Variants in LETM1 observed in about 807,000 individuals in gnomAD.
The protein encoded by LETM1 is mitochondrial proton/calcium exchanger protein.
In LETM1, 50 loss-of-function variants were observed where a neutral mutation model predicts 74.5. That is an observed-to-expected ratio of 0.67 (90% CI 0.53 to 0.85). LETM1 has a LOEUF of 0.85. LETM1 is among the 40% of genes least tolerant of loss of function. The probability of loss-of-function intolerance (pLI) is 0.00; values close to 1 mark genes in which losing one functional copy is unlikely to be tolerated. For missense variants in LETM1, 824 were observed against 967.8 expected, an observed-to-expected ratio of 0.85 and a Z score of 1.97; for synonymous variants, 446 against 407.1, an observed-to-expected ratio of 1.10 and a Z score of -1.15.
intron 11 of LETM1, among the ~76,000 whole-genome samples, chr4:1,817,684 C>A (rs190126240): frequency 2.0e-5 from 3 of 152,208 alleles, no homozygotes; most frequent in African/African-American, 7.2e-5. Flanking sequence ...CACTGCCTTG[C>A]AAGCAAAAGA....
In LETM1 at chr4:1,834,397, G is replaced by A. The variant is rs1712391167; in HGVS notation, c.876+448C>T. On this transcript the variant is annotated intron_variant, in intron 5 of 13. Transcript: ENST00000302787. This position sits in a 1 kb window ranked among gnomAD's most constrained non-coding sequence, Gnocchi z 5.0. Reference sequence around the variant, plus strand: ...ACCACATGACCGCAGGAAACCTCAAGGGCCGCTCCTCCTCTCCAGCCCCCA... The same window carrying A: ...ACCACATGACCGCAGGAAACCTCAAAGGCCGCTCCTCCTCTCCAGCCCCCA... The A allele has an allele frequency of 1.0e-6, 1 of 993,102 alleles. No individual in the cohort carries two copies. Among genetic ancestry groups the A allele is most frequent in the Non-Finnish European group, 1.2e-6 (1 of 835,216 alleles). The allele number at this position is 993,102 out of a possible 1,614,324, so 61.5% of individuals were successfully genotyped here. A position where few individuals can be genotyped will look rare whatever the true frequency, so the allele number is the denominator to read the frequency against.
chr4:1,821,521 T>A (rs572153571), intron 10 of LETM1, among the ~76,000 whole-genome samples: 1 of 152,058 alleles, frequency 6.6e-6, no homozygotes, highest in South Asian at 2.1e-4. Flanking sequence ...AAACCCCCTG[T>A]CTACTAAAAA....
At position 1,831,348 on chromosome 4, in the gene LETM1, T is replaced by C. The variant is rs114075388; in HGVS notation, c.1080+1396A>G. On this transcript the variant is annotated intron_variant, in intron 6 of 13. Coordinates refer to ENST00000302787, the MANE Select transcript of LETM1 (RefSeq NM_012318.3). Reference sequence around the variant, plus strand: ...TCTGCGGGACAGCGGTGCTGCTTGCTACCGCTGGGAACGGGTGGGTGGGAG... The same window carrying C: ...TCTGCGGGACAGCGGTGCTGCTTGCCACCGCTGGGAACGGGTGGGTGGGAG... 6.1e-3 allele frequency among the ~76,000 whole-genome samples: 925 copies of C among 152,354 alleles called. 4 individuals carry two copies. Among genetic ancestry groups the C allele is most frequent in the African/African-American group, 0.021 (876 of 41,584 alleles).
chr4:1,835,718 C>G (rs1712443312), intron 4 of LETM1, among the ~76,000 whole-genome samples: 1 of 152,166 alleles, frequency 6.6e-6, no homozygotes, highest in African/African-American at 2.4e-5. Context: ...TGACCCTGCC[C>G]TAGAAGGACC....
intron 4 of LETM1, among the ~76,000 whole-genome samples, chr4:1,835,988 T>A (rs183499210): frequency 2.0e-5 from 3 of 152,180 alleles, no homozygotes; most frequent in South Asian, 4.1e-4. Flanking sequence ...GACAAGAGGA[T>A]CACTTAAGTC....
At chr4:1,816,529 C>T (rs938055317) in intron 12 of LETM1, among the ~76,000 whole-genome samples, 198 bp downstream of exon 12, 1 of 152,120 alleles carries the variant, frequency 6.6e-6, no homozygotes, top group Admixed American at 6.5e-5. Flanking sequence ...CAGGAAGGGA[C>T]GAACTGCTCT....
chr4:1,840,067 A>G (rs1018718684), intron 3 of LETM1, among the ~76,000 whole-genome samples: 1 of 152,222 alleles, frequency 6.6e-6, no homozygotes, highest in Non-Finnish European at 1.5e-5. Context: ...TGTACCCACA[A>G]AAACAAAACA....
Position 1,830,654 on chromosome 4 carries a change from C to CT in LETM1, c.1080+2089dup, listed in dbSNP as rs150375922. On this transcript the variant is annotated intron_variant, in intron 6 of 13. Transcript: ENST00000302787. ...TGGCCTTAGTATCTTCTCGCAATAT[C>CT]TTTTAATATTATTAATAACATATTT... 9.0e-3 allele frequency among the ~76,000 whole-genome samples: 1,374 copies of CT among 152,252 alleles called. 12 individuals are homozygous for CT. Among genetic ancestry groups the CT allele is most frequent in the South Asian group, 0.017 (80 of 4,828 alleles).
At chr4:1,824,792 G>C (rs1711926029) in intron 7 of LETM1, among the ~76,000 whole-genome samples, 1 of 152,246 alleles carries the variant, frequency 6.6e-6, no homozygotes, top group Non-Finnish European at 1.5e-5. Flanking sequence ...CAGAGTGCTA[G>C]GGAGGTCAGC....
intron 1 of LETM1, among the ~76,000 whole-genome samples, chr4:1,853,266 G>C (rs1443886580): frequency 6.6e-6 from 1 of 152,214 alleles, no homozygotes; most frequent in Non-Finnish European, 1.5e-5. Flanking sequence ...ACAGCCCTTG[G>C]AGTCAGCCCT....
chr4:1,820,416 T>C (rs1239938478), intron 10 of LETM1, among the ~76,000 whole-genome samples: 1 of 152,236 alleles, frequency 6.6e-6, no homozygotes, highest in Non-Finnish European at 1.5e-5. Context: ...CATTTGTGAA[T>C]AAAGAGTTTT....
intron 3 of LETM1, among the ~76,000 whole-genome samples, chr4:1,839,636 A>AG (rs2108850472): frequency 6.6e-6 from 1 of 152,356 alleles, no homozygotes; most frequent in East Asian, 1.9e-4. Flanking sequence ...TAGGTGTGTC[A>AG]GGCCTTGGGG....
chr4:1,846,767 G>A (rs2108855036), intron 2 of LETM1: 1 of 152,228 alleles, frequency 6.6e-6, no homozygotes, highest in East Asian at 1.9e-4. Flanking sequence ...CACAGATCTG[G>A]CTACTGAGCT....
intron 8 of LETM1, 137 bp from the exon 9 acceptor site, chr4:1,823,268 C>G: frequency 8.3e-7 from 1 of 1,209,286 alleles, no homozygotes; most frequent in Non-Finnish European, 1.1e-6. Context: ...AAGGCACTGC[C>G]GAGGTGCTGC....
At chr4:1,820,092 A>G (rs1311747415) in intron 10 of LETM1, among the ~76,000 whole-genome samples, 4 of 152,046 alleles carry the variant, frequency 2.6e-5, no homozygotes, top group East Asian at 1.9e-4. Context: ...ACACACTGAC[A>G]TATCTGTCCA....
intron 13 of LETM1, among the ~76,000 whole-genome samples, chr4:1,815,357 G>A (rs1019947259): frequency 3.9e-5 from 6 of 152,186 alleles, no homozygotes; most frequent in Admixed American, 1.3e-4. Context: ...GGGGGCCCCT[G>A]AGAGGTGTTT....
At chr4:1,822,445 G>C (rs1021064168) in intron 9 of LETM1, 133 bp from the exon 10 acceptor site, 28 of 1,049,440 alleles carry the variant, frequency 2.7e-5, no homozygotes, top group Non-Finnish European at 3.2e-5. Context: ...CAGCACACCT[G>C]CCACAGAAGG....
chr4:1,837,289 C>T (rs1258575289), intron 3 of LETM1, among the ~76,000 whole-genome samples: 1 of 152,158 alleles, frequency 6.6e-6, no homozygotes, highest in African/African-American at 2.4e-5. Context: ...GCAATGTCCT[C>T]CTCCTCATCA....
chr4:1,855,879 G>A lies in LETM1; in HGVS notation c.72C>T (p.Thr24=). 4.9e-6 allele frequency: 6 copies of A among 1,235,758 alleles called. No homozygotes were observed. Among genetic ancestry groups the A allele is most frequent in the Non-Finnish European group, 5.0e-6 (5 of 992,022 alleles). The allele number at this position is 1,235,758 out of a possible 1,614,324, so 76.5% of individuals were successfully genotyped here. A position where few individuals can be genotyped will look rare whatever the true frequency, so the allele number is the denominator to read the frequency against. ...PARLPPPPRY[T]VPRGSPGDPA... ...GTGCCCGCCGCTTACCCCGCGGGAC[G>A]GTGTACCGAGGCGGCGGCGGGAGGC... Residue 24 remains threonine, a synonymous_variant, in exon 1 of 14, where the codon ACC becomes ACT. Transcript: ENST00000302787.
Sources: gnomAD v4.1 joint callset for allele counts (sites outside exome capture counted in the v4.1 genomes callset) on GRCh38, gnomAD v4.1.1 for gene constraint, Gnocchi (gnomAD v3.1) non-coding constraint, MANE v1.5 for transcripts, NCBI Gene and HGNC (gene_info 2026-07-23, HGNC 2026-07-21) for gene names.